FANCB: variants seen among roughly 807,000 people sequenced by gnomAD.
FANCB encodes FA complementation group B.
FANCB carries 5 observed loss-of-function variants against 38.9 expected under a neutral mutation model. That is an observed-to-expected ratio of 0.13 (90% CI 0.07 to 0.27). FANCB has a LOEUF of 0.27. Ranked by LOEUF, FANCB falls within the 10% of genes least tolerant of loss-of-function variation. The pLI is 1.00. For missense variants in FANCB, 573 were observed against 602.7 expected (o/e 0.95, Z 0.52); for synonymous variants, 236 against 215.4 (o/e 1.10, Z -0.84).
rs188013882 is a variant in FANCB, at chrX:14,867,363, T to C, written c.-71+1560A>G. ...TAAAGCTACAGTAACTGAAACAGCA[T>C]GGTACCGACATAAAAACAGACACAT... is the stretch of plus-strand genomic sequence containing the variant. On this transcript the variant is annotated intron_variant, in intron 2 of 9. Coordinates refer to ENST00000650831, the MANE Select transcript of FANCB (RefSeq NM_001018113.3). 7.9e-3 allele frequency among the ~76,000 whole-genome samples: 881 copies of C among 111,730 alleles called. 9 individuals are homozygous for C. The highest frequency in any genetic ancestry group is 0.022 in the African/African-American group (678 of 30,766).
At chrX:14,698,818 C>G in the FANCB span, among the ~76,000 whole-genome samples, 12 of 108,232 alleles carry the variant, frequency 1.1e-4, no homozygotes, top group African/African-American at 4.1e-4. Context: ...AAAACAAGAG[C>G]AGATCATCTC....
chrX:14,754,072 G>A, the FANCB span, among the ~76,000 whole-genome samples: 7 of 111,930 alleles, frequency 6.3e-5, no homozygotes, highest in Admixed American at 3.8e-4. Context: ...GTAACCAGAC[G>A]CATTGTGAGA....
chrX:14,847,537 C>T (rs2092381856), intron 7 of FANCB, among the ~76,000 whole-genome samples: 1 of 108,986 alleles, frequency 9.2e-6, no homozygotes, highest in Admixed American at 9.9e-5. Context: ...CAGAAGGAGA[C>T]AGATACTAGA....
At chrX:14,782,959 T>C in the FANCB span, among the ~76,000 whole-genome samples, 1 of 110,910 alleles carries the variant, frequency 9.0e-6, no homozygotes, top group African/African-American at 3.3e-5. Context: ...GGAAGGAAAA[T>C]GCACCGAACC....
chrX:14,810,661 C>A, the FANCB span, among the ~76,000 whole-genome samples: 31 of 111,507 alleles, frequency 2.8e-4, no homozygotes, highest in African/African-American at 9.4e-4. Context: ...AAATATGGGA[C>A]TATGTGAAAA....
chrX:14,850,681 A>C lies in FANCB; in HGVS notation c.1327-7T>G, dbSNP rs1391433852. 8 of 1,072,285 alleles carry C rather than the reference A, an allele frequency of 7.5e-6. No individual in the cohort carries two copies. The highest frequency in any genetic ancestry group is 3.0e-5 in the East Asian group (1 of 32,828). 88.4% of individuals were successfully genotyped at this position (1,072,285 alleles called of 1,213,427 possible). A position where few individuals can be genotyped will look rare whatever the true frequency, so the allele number is the denominator to read the frequency against. ...GAGGAACAAGACATTCCTTCTAAAAAAAAAAGTTTAAATAACTGATTATAA... is the reference window on the plus strand; with the variant it reads ...GAGGAACAAGACATTCCTTCTAAAACAAAAAGTTTAAATAACTGATTATAA... On this transcript the variant is annotated splice_region_variant and splice_polypyrimidine_tract_variant and intron_variant, in intron 6 of 9. Transcript: ENST00000650831.
intron 3 of FANCB, among the ~76,000 whole-genome samples, chrX:14,861,564 CCACCTTATTATTTAATAAGGTATT>C (rs1238644505): frequency 5.4e-5 from 6 of 110,978 alleles, no homozygotes; most frequent in East Asian, 2.8e-4. Context: ...TATCAAAGAC[CCACCTTATTATTTAATAAGGTATT>C]CACCTTATTA....
chrX:14,793,073 G>A, the FANCB span, among the ~76,000 whole-genome samples: 11 of 111,851 alleles, frequency 9.8e-5, no homozygotes, highest in African/African-American at 3.6e-4. Context: ...TTTACCTAAT[G>A]GAATTTATCT....
chrX:14,865,191 T>A lies in FANCB; in HGVS notation c.320A>T (p.Tyr107Phe). Residue 107 changes from tyrosine (Y) to phenylalanine (F), a missense_variant, in exon 3 of 10, where the codon TAT becomes TTT. By Grantham distance (22) the Tyr-to-Phe change is conservative (BLOSUM62 3). Transcript: ENST00000650831. ...AGTACTGTGAAGGATTAGTAAAAAATATTCAAAAACATTATTCTTTTTATT... is the reference window on the plus strand; with the variant it reads ...AGTACTGTGAAGGATTAGTAAAAAAAATTCAAAAACATTATTCTTTTTATT... ...EKNKKNNVFE[Y>F]FLLILHSTNK... The A allele has an allele frequency of 8.6e-7, 1 of 1,167,016 alleles. No homozygotes were observed. The highest frequency in any genetic ancestry group is 2.7e-5 in the Admixed American group (1 of 36,365).
At chrX:14,739,634 T>G in the FANCB span, among the ~76,000 whole-genome samples, 1 of 111,541 alleles carries the variant, frequency 9.0e-6, no homozygotes, top group African/African-American at 3.3e-5. Context: ...AGATTTTGTG[T>G]GATTGAATGG....
the FANCB span, among the ~76,000 whole-genome samples, chrX:14,717,530 G>A: frequency 2.0e-5 from 2 of 99,725 alleles, no homozygotes; most frequent in Non-Finnish European, 3.9e-5. Flanking sequence ...ATCTTTACCT[G>A]TGCATAAGCC....
At chrX:14,771,818 T>C in the FANCB span, among the ~76,000 whole-genome samples, 1 of 111,989 alleles carries the variant, frequency 8.9e-6, no homozygotes, top group South Asian at 3.7e-4. Flanking sequence ...AATGAGTTTT[T>C]TGTGAGGTAT....
At chrX:14,864,431 T>A (rs2375729) in intron 3 of FANCB, 129 bp downstream of exon 3, 1 of 500,594 alleles carries the variant, frequency 2.0e-6, no homozygotes, top group South Asian at 2.8e-5. Flanking sequence ...AATGTAATAT[T>A]TATCATTTCA....
the FANCB span, among the ~76,000 whole-genome samples, chrX:14,809,256 G>C: frequency 2.1e-4 from 24 of 112,668 alleles, no homozygotes; most frequent in Admixed American, 2.1e-3. Context: ...GAGCGACACA[G>C]AAGATGGGTG....
chrX:14,763,467 G>C, the FANCB span, among the ~76,000 whole-genome samples: 1 of 111,838 alleles, frequency 8.9e-6, no homozygotes, highest in African/African-American at 3.3e-5. Flanking sequence ...TACAAAGATA[G>C]TCAAAACTAA....
chrX:14,816,274 C>T, the FANCB span, among the ~76,000 whole-genome samples: 1 of 111,147 alleles, frequency 9.0e-6, no homozygotes, highest in Non-Finnish European at 1.9e-5. Context: ...ACTACAGATA[C>T]AAAGATTATT....
At chrX:14,813,989 T>C in the FANCB span, among the ~76,000 whole-genome samples, 1 of 111,148 alleles carries the variant, frequency 9.0e-6, no homozygotes, top group African/African-American at 3.3e-5. Context: ...TATAGACCAA[T>C]GGAACAGAAC....
chrX:14,818,195 C>T, the FANCB span, among the ~76,000 whole-genome samples: 1 of 109,217 alleles, frequency 9.2e-6, no homozygotes, highest in Non-Finnish European at 1.9e-5. Flanking sequence ...GTAAGATTTA[C>T]ATGTAAGAAG....
the FANCB span, among the ~76,000 whole-genome samples, chrX:14,715,129 A>G: frequency 1.8e-5 from 2 of 112,443 alleles, no homozygotes; most frequent in African/African-American, 6.5e-5. Context: ...TTCCTTGCAA[A>G]TAAGTATGCA....
Sources: allele counts gnomAD v4.1 joint callset (sites outside exome capture counted in the v4.1 genomes callset), GRCh38; gene constraint gnomAD v4.1.1; transcripts MANE v1.5; gene names NCBI Gene and HGNC (gene_info 2026-07-23, HGNC 2026-07-21).